SORCS1: variants seen among roughly 807,000 people sequenced by gnomAD.
The protein encoded by SORCS1 is VPS10 domain-containing receptor SorCS1.
A neutral mutation model predicts 146.1 loss-of-function variants in SORCS1; 60 were observed. That is an observed-to-expected ratio of 0.41 (90% CI 0.33 to 0.51). The LOEUF (loss-of-function observed/expected upper bound fraction) is 0.51, where lower values mean the gene tolerates loss of function less well. Ranked by LOEUF, SORCS1 falls within the 20% of genes least tolerant of loss-of-function variation. The pLI is 0.21. For synonymous variants in SORCS1, 637 were observed against 584.0 expected (o/e 1.09, Z -1.31); for missense variants, 1,352 against 1,487.6 (o/e 0.91, Z 1.50).
chr10:106,770,068 G>A (rs1433603586), intron 4 of SORCS1, among the ~76,000 whole-genome samples: 2 of 152,126 alleles, frequency 1.3e-5, no homozygotes, highest in African/African-American at 2.4e-5. Flanking sequence ...ACTCCAGCCT[G>A]GGCAAGACAG....
chr10:106,633,523 A>C (rs1848556013), intron 18 of SORCS1, among the ~76,000 whole-genome samples: 1 of 152,120 alleles, frequency 6.6e-6, no homozygotes, highest in African/African-American at 2.4e-5. Flanking sequence ...TTAATGATTC[A>C]AGTGTTCTAA....
chr10:106,864,678 A>T (rs1471558441), intron 2 of SORCS1, among the ~76,000 whole-genome samples: 1 of 152,092 alleles, frequency 6.6e-6, no homozygotes, highest in East Asian at 1.9e-4. Flanking sequence ...GCGGAACTCC[A>T]GCCAGCCACT....
At chr10:106,584,866 A>G (rs1845128997) in intron 24 of SORCS1, among the ~76,000 whole-genome samples, 1 of 152,206 alleles carries the variant, frequency 6.6e-6, no homozygotes, top group Admixed American at 6.5e-5. Flanking sequence ...AGTAACTCCA[A>G]GACCAACCAT....
At chr10:107,165,590 C>G (rs905321186), upstream of SORCS1, among the ~76,000 whole-genome samples, 3 of 152,066 alleles carry the variant, frequency 2.0e-5, no homozygotes, top group Admixed American at 1.3e-4. The surrounding 1 kb of genome is among the most constrained non-coding windows in gnomAD (Gnocchi z 4.0). Context: ...GCACAGTACC[C>G]TACATGGGAG....
chr10:106,643,108 C>T (rs752679642), intron 18 of SORCS1, among the ~76,000 whole-genome samples: 2 of 152,128 alleles, frequency 1.3e-5, no homozygotes, highest in Non-Finnish European at 2.9e-5. Flanking sequence ...TACCATAGAT[C>T]CTGGATTAGA....
At chr10:107,117,734 C>T (rs1017476299) in intron 1 of SORCS1, among the ~76,000 whole-genome samples, 2 of 152,124 alleles carry the variant, frequency 1.3e-5, no homozygotes, top group Admixed American at 6.5e-5. Flanking sequence ...TTATTTCTCC[C>T]TTTTGAAATG....
At chr10:107,171,011 T>A in the SORCS1 span, among the ~76,000 whole-genome samples, 1 of 152,172 alleles carries the variant, frequency 6.6e-6, no homozygotes, top group Non-Finnish European at 1.5e-5. Context: ...ATCTGCAAAA[T>A]GTAGGTTATA....
intron 4 of SORCS1, among the ~76,000 whole-genome samples, chr10:106,772,472 C>CAA (rs1860099626): frequency 6.7e-6 from 1 of 148,898 alleles, no homozygotes; most frequent in Middle Eastern, 3.5e-3. Flanking sequence ...ATCAATCAAT[C>CAA]TCTCTCTCTC....
intron 3 of SORCS1, among the ~76,000 whole-genome samples, chr10:106,826,582 C>T (rs982211169): frequency 7.2e-5 from 11 of 152,184 alleles, no homozygotes; most frequent in African/African-American, 2.4e-4. Context: ...TTTGGGTGGG[C>T]GGAGTACATA....
intron 1 of SORCS1, among the ~76,000 whole-genome samples, chr10:107,122,781 T>G (rs1356012642): frequency 6.6e-6 from 1 of 152,056 alleles, no homozygotes. Flanking sequence ...TCTTCTGAAT[T>G]TGCAGCTGGA....
At chr10:106,726,862 G>A (rs191509544) in intron 6 of SORCS1, among the ~76,000 whole-genome samples, 2,467 of 152,108 alleles carry the variant, frequency 0.016, 38 homozygotes, top group Non-Finnish European at 0.025. Context: ...CGAGACGGGC[G>A]GATCACGAGG....
At chr10:107,138,856 C>A (rs1256725446) in intron 1 of SORCS1, among the ~76,000 whole-genome samples, 7 of 152,186 alleles carry the variant, frequency 4.6e-5, no homozygotes, top group Non-Finnish European at 7.3e-5. Flanking sequence ...TGCAGACTGA[C>A]CCCCACGAGC....
chr10:106,584,941 TTCC>T, intron 24 of SORCS1, among the ~76,000 whole-genome samples: 1 of 152,298 alleles, frequency 6.6e-6, no homozygotes, highest in South Asian at 2.1e-4. Context: ...AAGGTGATGA[TTCC>T]TGGCTACTAT....
intron 24 of SORCS1, among the ~76,000 whole-genome samples, chr10:106,593,505 C>T (rs1359757203): frequency 6.6e-6 from 1 of 152,160 alleles, no homozygotes; most frequent in African/African-American, 2.4e-5. Context: ...CAAAAGTTTC[C>T]AAAACTCAGT....
At chr10:106,764,430 G>A (rs889662978) in intron 4 of SORCS1, among the ~76,000 whole-genome samples, 3 of 152,158 alleles carry the variant, frequency 2.0e-5, no homozygotes, top group South Asian at 2.1e-4. Context: ...AGCCACCAGC[G>A]GAAGGCTTTC....
chr10:107,065,881 A>G (rs946112999), intron 1 of SORCS1, among the ~76,000 whole-genome samples: 1 of 152,128 alleles, frequency 6.6e-6, no homozygotes, highest in Non-Finnish European at 1.5e-5. Context: ...GATGAGTACT[A>G]TAATTTCTCT....
At position 106,764,150 on chromosome 10, in the gene SORCS1, A is replaced by G. The variant is rs1859362509; in HGVS notation, c.886-2489T>C. 5.9e-5 allele frequency among the ~76,000 whole-genome samples: 9 copies of G among 152,226 alleles called. 1 individual carries two copies. ...AACACACATCCACAAAACCCTATAA[A>G]TATCAGTATATTTGAAACTCCCAAG... On this transcript the variant is annotated intron_variant, in intron 4 of 25. Coordinates refer to ENST00000263054, the MANE Select transcript of SORCS1 (RefSeq NM_052918.5).
chr10:106,972,157 G>A (rs1196913982), intron 1 of SORCS1, among the ~76,000 whole-genome samples: 2 of 152,006 alleles, frequency 1.3e-5, no homozygotes, highest in South Asian at 2.1e-4. Context: ...TGAGGCAGGT[G>A]GATCACCAGA....
intron 2 of SORCS1, among the ~76,000 whole-genome samples, chr10:106,832,302 C>T (rs1364348771): frequency 6.6e-6 from 1 of 151,702 alleles, no homozygotes; most frequent in East Asian, 1.9e-4. Context: ...GATTCTCCTG[C>T]CTCAGCCTCC....
Sources: allele counts gnomAD v4.1 joint callset (sites outside exome capture counted in the v4.1 genomes callset), GRCh38; gene constraint gnomAD v4.1.1; non-coding constraint Gnocchi (gnomAD v3.1); transcripts MANE v1.5; gene names NCBI Gene and HGNC (gene_info 2026-07-23, HGNC 2026-07-21).